UTS2B: variants seen among roughly 807,000 people sequenced by gnomAD.
The protein encoded by UTS2B is urotensin-2B.
In UTS2B, 21 loss-of-function variants were observed where a neutral mutation model predicts 19.2. That is an observed-to-expected ratio of 1.09 (90% CI 0.78 to 1.58). UTS2B has a LOEUF of 1.58. UTS2B is among the 40% of genes most tolerant of loss of function. The probability of loss-of-function intolerance (pLI) is 0.00; values close to 1 mark genes in which losing one functional copy is unlikely to be tolerated. For synonymous variants in UTS2B, 57 were observed against 50.2 expected (o/e 1.14, Z -0.58); for missense variants, 138 against 130.3 (o/e 1.06, Z -0.29).
chr3:191,289,269 C>T (rs1445103326), intron 4 of UTS2B, among the ~76,000 whole-genome samples: 6 of 151,844 alleles, frequency 4.0e-5, no homozygotes, highest in Non-Finnish European at 8.8e-5. Context: ...ATTAGCCAGG[C>T]ATGGTGGCAG....
the UTS2B span, among the ~76,000 whole-genome samples, chr3:191,340,599 A>T: frequency 6.6e-6 from 1 of 152,200 alleles, no homozygotes. Flanking sequence ...TAATTACATA[A>T]TCTTCACATA....
intron 3 of UTS2B, among the ~76,000 whole-genome samples, chr3:191,312,908 C>T (rs1477051117): frequency 6.6e-6 from 1 of 151,952 alleles, no homozygotes; most frequent in Non-Finnish European, 1.5e-5. Flanking sequence ...TAACGAGGCA[C>T]AGAAATGAAA....
intron 7 of UTS2B, among the ~76,000 whole-genome samples, chr3:191,275,956 C>T (rs182664214): frequency 7.9e-5 from 12 of 152,222 alleles, no homozygotes; most frequent in African/African-American, 2.9e-4. Flanking sequence ...TAATGGGGAA[C>T]ATGTAAATAC....
chr3:191,293,263 T>C (rs1716766382), intron 4 of UTS2B, among the ~76,000 whole-genome samples: 1 of 152,206 alleles, frequency 6.6e-6, no homozygotes, highest in Admixed American at 6.5e-5. Context: ...ACTGGCCTTG[T>C]AGAATGAATT....
chr3:191,289,396 A>G (rs1716648249), intron 4 of UTS2B, among the ~76,000 whole-genome samples: 2 of 148,972 alleles, frequency 1.3e-5, no homozygotes, highest in African/African-American at 2.5e-5. Context: ...GCAACAGACC[A>G]AGACTCCATC....
chr3:191,283,981 G>A (rs2603686), intron 4 of UTS2B, among the ~76,000 whole-genome samples: 49,441 of 151,916 alleles, frequency 0.33, 8,852 homozygotes, highest in Middle Eastern at 0.5. Flanking sequence ...GTCATGTGAT[G>A]TAGAGAGAAT....
intron 3 of UTS2B, among the ~76,000 whole-genome samples, chr3:191,307,997 G>A (rs1294509772): frequency 2.0e-5 from 3 of 151,924 alleles, no homozygotes; most frequent in Admixed American, 2.0e-4. Flanking sequence ...CACCATGTCC[G>A]GCTAACTTTT....
chr3:191,287,973 T>C (rs184214854), intron 4 of UTS2B, among the ~76,000 whole-genome samples: 1 of 152,198 alleles, frequency 6.6e-6, no homozygotes, highest in East Asian at 1.9e-4. Context: ...TGTTCAAAAA[T>C]CACTGGCCTC....
At chr3:191,299,547 G>A (rs1021464885) in intron 4 of UTS2B, among the ~76,000 whole-genome samples, 2 of 152,258 alleles carry the variant, frequency 1.3e-5, no homozygotes, top group African/African-American at 4.8e-5. Flanking sequence ...AAGAGTTGGG[G>A]CTTGAGAGCC....
In UTS2B at chr3:191,282,218, GAAAC is replaced by G. The variant is rs1716411043; in HGVS notation, c.-33_-30del. 2 of 1,536,032 alleles carry G rather than the reference GAAAC, an allele frequency of 1.3e-6. No homozygotes were observed. The highest frequency in any genetic ancestry group is 1.8e-6 in the Non-Finnish European group (2 of 1,119,518). On this transcript the variant is annotated 5_prime_UTR_variant, in exon 5 of 9. Transcript: ENST00000340524. ...AAAAAAAACCTTCTGGACTAGCAAAGAAACAGACTTTCCAGGTCAAGATGGATAT... is the reference window on the plus strand; with the variant it reads ...AAAAAAAACCTTCTGGACTAGCAAAGAGACTTTCCAGGTCAAGATGGATAT...
chr3:191,281,226 C>T (rs1196114687), intron 5 of UTS2B, among the ~76,000 whole-genome samples: 1 of 152,060 alleles, frequency 6.6e-6, no homozygotes, highest in East Asian at 1.9e-4. Flanking sequence ...TCTCCCTCTT[C>T]CTGACAAGGA....
intron 4 of UTS2B, among the ~76,000 whole-genome samples, chr3:191,286,600 T>C (rs1220115825): frequency 1.3e-5 from 2 of 151,950 alleles, no homozygotes; most frequent in South Asian, 4.2e-4. Flanking sequence ...TACCAAAATG[T>C]ATGGGATACA....
chr3:191,334,810 A>G (rs75368433), upstream of UTS2B, among the ~76,000 whole-genome samples: 9,084 of 152,238 alleles, frequency 0.06, 483 homozygotes, highest in East Asian at 0.25. Context: ...TAGAATGAAA[A>G]TAATAAGGCT....
rs562219346 is a variant in UTS2B at position 191,327,405 on chromosome 3, G to A, written c.-586+1226C>T. Among the ~76,000 whole-genome samples, 8 of 152,298 alleles carry A rather than the reference G, an allele frequency of 5.3e-5. No individual in the cohort carries two copies. In the East Asian group the frequency reaches 7.7e-4, roughly 15 times the overall value. On this transcript the variant is annotated intron_variant, in intron 2 of 8. Transcript: ENST00000340524. ...CCAGCTACTCGGGAGGCTGAGGCAC[G>A]AGAATCACTGGAACCTGGGAGGCAG... is the stretch of plus-strand genomic sequence containing the variant.
chr3:191,288,961 A>T (rs949776461), intron 4 of UTS2B, among the ~76,000 whole-genome samples: 2 of 152,226 alleles, frequency 1.3e-5, no homozygotes, highest in African/African-American at 2.4e-5. Flanking sequence ...GTTTTTGCAC[A>T]GAAGTTAGTA....
chr3:191,307,265 T>C (rs906954720), intron 3 of UTS2B, among the ~76,000 whole-genome samples: 18 of 152,114 alleles, frequency 1.2e-4, no homozygotes, highest in African/African-American at 3.9e-4. Context: ...ACATTAAAGA[T>C]TCTCCATGAC....
At chr3:191,338,105 T>C in the UTS2B span, among the ~76,000 whole-genome samples, 1 of 152,188 alleles carries the variant, frequency 6.6e-6, no homozygotes, top group Non-Finnish European at 1.5e-5. Flanking sequence ...GAGTTTTAAC[T>C]GCATATAGTA....
intron 3 of UTS2B, among the ~76,000 whole-genome samples, chr3:191,308,566 G>C (rs549621729): frequency 6.6e-6 from 1 of 152,098 alleles, no homozygotes; most frequent in South Asian, 2.1e-4. Context: ...TCTTTATTGC[G>C]AGGGGGTTGT....
the UTS2B span, among the ~76,000 whole-genome samples, chr3:191,344,912 G>A: frequency 7.9e-5 from 12 of 152,260 alleles, no homozygotes; most frequent in Admixed American, 1.3e-4. Flanking sequence ...CCCATTGAGC[G>A]TTAGACTGTG....
Sources: gnomAD v4.1 joint callset for allele counts (sites outside exome capture counted in the v4.1 genomes callset) on GRCh38, gnomAD v4.1.1 for gene constraint, MANE v1.5 for transcripts, NCBI Gene and HGNC (gene_info 2026-07-23, HGNC 2026-07-21) for gene names.